Variants in ADGRL3 observed in about 807,000 individuals in gnomAD.
ADGRL3 encodes adhesion G protein-coupled receptor L3.
A neutral mutation model predicts 153.5 loss-of-function variants in ADGRL3; 62 were observed. That is an observed-to-expected ratio of 0.40 (90% CI 0.33 to 0.50). ADGRL3 has a LOEUF of 0.50. ADGRL3 is among the 20% of genes least tolerant of loss of function. The probability of loss-of-function intolerance (pLI) is 0.47; values close to 1 mark genes in which losing one functional copy is unlikely to be tolerated. For missense variants in ADGRL3, 1,641 were observed against 1,859.4 expected (o/e 0.88, Z 2.16); for synonymous variants, 710 against 672.5 (o/e 1.06, Z -0.86).
At chr4:61,606,699 C>A (rs915399472) in intron 5 of ADGRL3, among the ~76,000 whole-genome samples, 1 of 152,024 alleles carries the variant, frequency 6.6e-6, no homozygotes, top group African/African-American at 2.4e-5. Flanking sequence ...GGAGAGGGGA[C>A]AATTTAGTCC....
intron 17 of ADGRL3, among the ~76,000 whole-genome samples, chr4:61,967,041 A>G (rs1487410855): frequency 6.6e-6 from 1 of 152,216 alleles, no homozygotes; most frequent in Non-Finnish European, 1.5e-5. Context: ...AAATATGCTT[A>G]GTACACCATA....
intron 8 of ADGRL3, among the ~76,000 whole-genome samples, chr4:61,782,065 G>C (rs576811667): frequency 1.3e-5 from 2 of 152,250 alleles, no homozygotes; most frequent in African/African-American, 4.8e-5. Context: ...AATTTTTTAT[G>C]ATTAAAATAG....
chr4:61,974,404 C>T (rs1451339690), intron 17 of ADGRL3, among the ~76,000 whole-genome samples: 7 of 152,076 alleles, frequency 4.6e-5, no homozygotes, highest in Admixed American at 3.9e-4. Context: ...GTTAAAATAA[C>T]ATTAGCATTT....
intron 9 of ADGRL3, among the ~76,000 whole-genome samples, chr4:61,824,041 G>A (rs564623049): frequency 1.3e-4 from 19 of 147,210 alleles, no homozygotes; most frequent in African/African-American, 3.4e-4. Context: ...CAGTCTGGGC[G>A]ACAGAGCGAG....
intron 12 of ADGRL3, among the ~76,000 whole-genome samples, chr4:61,911,166 G>T (rs150925720): frequency 6.6e-6 from 1 of 151,968 alleles, no homozygotes; most frequent in Non-Finnish European, 1.5e-5. Flanking sequence ...ATAATGTACC[G>T]GATGTAGTCA....
intron 5 of ADGRL3, among the ~76,000 whole-genome samples, chr4:61,668,771 C>T (rs1302800779): frequency 6.6e-6 from 1 of 152,066 alleles, no homozygotes; most frequent in East Asian, 1.9e-4. Flanking sequence ...GTAATTCCAA[C>T]ACTCGAGAGG....
intron 6 of ADGRL3, among the ~76,000 whole-genome samples, chr4:61,678,614 T>C (rs1272966952): frequency 3.3e-5 from 5 of 152,014 alleles, no homozygotes; most frequent in Non-Finnish European, 7.4e-5. Flanking sequence ...TTTTCAGAGA[T>C]TGGCAATTTG....
intron 21 of ADGRL3, among the ~76,000 whole-genome samples, chr4:61,999,156 T>C (rs752384536): frequency 1.3e-5 from 2 of 152,234 alleles, no homozygotes; most frequent in South Asian, 2.1e-4. Flanking sequence ...CTCTGAAATA[T>C]TAACACTTAA....
chr4:61,440,478 T>G (rs966005860), intron 2 of ADGRL3, among the ~76,000 whole-genome samples: 4 of 152,228 alleles, frequency 2.6e-5, no homozygotes, highest in Non-Finnish European at 5.9e-5. Flanking sequence ...ATGTAACAGG[T>G]GATTCAGAGC....
At chr4:61,966,693 A>G (rs112637207) in intron 17 of ADGRL3, among the ~76,000 whole-genome samples, 418 of 152,168 alleles carry the variant, frequency 2.7e-3, no homozygotes, top group African/African-American at 9.5e-3. Flanking sequence ...CTCTGTTTCA[A>G]TGAGATCTCT....
At chr4:61,408,343 T>C (rs1416813863) in intron 2 of ADGRL3, among the ~76,000 whole-genome samples, 1 of 152,016 alleles carries the variant, frequency 6.6e-6, no homozygotes, top group African/African-American at 2.4e-5. Context: ...TGTTGGCCAG[T>C]GGGAAGGCTA....
At chr4:61,580,430 T>G (rs1290736202) in intron 4 of ADGRL3, among the ~76,000 whole-genome samples, 3 of 152,044 alleles carry the variant, frequency 2.0e-5, no homozygotes, top group Non-Finnish European at 4.4e-5. Context: ...TTCATAATAT[T>G]TTTCTTTCAT....
intron 6 of ADGRL3, among the ~76,000 whole-genome samples, chr4:61,730,150 C>T (rs996849307): frequency 1.3e-5 from 2 of 151,774 alleles, no homozygotes; most frequent in East Asian, 1.9e-4. Flanking sequence ...AATGAGTTGC[C>T]GAGTAGTTCC....
At chr4:61,514,907 G>A (rs1240749794) in intron 3 of ADGRL3, among the ~76,000 whole-genome samples, 1 of 151,846 alleles carries the variant, frequency 6.6e-6, no homozygotes, top group Non-Finnish European at 1.5e-5. Context: ...ATACTGTTTA[G>A]CTGATGCTTG....
chr4:61,349,328 A>G (rs139143105), intron 1 of ADGRL3, among the ~76,000 whole-genome samples: 18 of 152,212 alleles, frequency 1.2e-4, no homozygotes, highest in African/African-American at 3.6e-4. Flanking sequence ...AAAAGCAGAT[A>G]ATAGTAATTT....
rs571165772 is a variant in ADGRL3 at position 61,604,616 on chromosome 4, T to C, written c.473+17176T>C. On this transcript the variant is annotated intron_variant, in intron 5 of 26. Transcript: ENST00000683033. The stretch of plus-strand genomic sequence containing the variant: ...TTTAAAATGCAGTAAAATAATTCCA[T>C]GTGTTCTACTCTAAAAATAATTGCT... Among the ~76,000 whole-genome samples the C allele has an allele frequency of 7.2e-5, 11 of 152,306 alleles. No homozygotes were observed. The East Asian group carries it at 2.1e-3, about 29-fold the overall frequency.
intron 25 of ADGRL3, among the ~76,000 whole-genome samples, chr4:62,055,048 G>C (rs1736282257): frequency 6.6e-6 from 1 of 151,648 alleles, no homozygotes; most frequent in Admixed American, 6.6e-5. Context: ...CAGCATTTAG[G>C]CAATATGTTA....
Position 61,412,700 on chromosome 4 carries a change from C to T in ADGRL3, c.-174+29511C>T, listed in dbSNP as rs535084276. Among the ~76,000 whole-genome samples the T allele has an allele frequency of 4.6e-5, 7 of 152,242 alleles. No individual in the cohort carries two copies. The East Asian group carries it at 1.2e-3, about 25-fold the overall frequency. ...AACTTGATTCTTCTCTCCTTCCTTT[C>T]CATTTGGCTCTAGAGCCCAGGTGTT... is the stretch of plus-strand genomic sequence containing the variant. On this transcript the variant is annotated intron_variant, in intron 2 of 26. Coordinates refer to ENST00000683033, the MANE Select transcript of ADGRL3 (RefSeq NM_001387552.1).
intron 8 of ADGRL3, among the ~76,000 whole-genome samples, chr4:61,781,580 A>T (rs2152384339): frequency 6.6e-6 from 1 of 152,270 alleles, no homozygotes; most frequent in Non-Finnish European, 1.5e-5. Flanking sequence ...TCCCGACTCT[A>T]ACTCCAATTT....
Sources: gnomAD v4.1 joint callset for allele counts (sites outside exome capture counted in the v4.1 genomes callset) on GRCh38, gnomAD v4.1.1 for gene constraint, MANE v1.5 for transcripts, NCBI Gene and HGNC (gene_info 2026-07-23, HGNC 2026-07-21) for gene names.